Variants in NIPBL observed in about 807,000 individuals in gnomAD.
The protein encoded by NIPBL is NIPBL cohesin loading factor, also known as nipped-B-like protein.
Under a neutral mutation model 321.8 loss-of-function variants are expected in NIPBL, and 19 were observed. The ratio of observed to expected loss-of-function variants is 0.06; its 90% confidence interval spans 0.04 to 0.09. The LOEUF (loss-of-function observed/expected upper bound fraction) is 0.09. NIPBL is among the 10% of genes least tolerant of loss of function. The probability of loss-of-function intolerance (pLI) is 1.00; values close to 1 mark genes in which losing one functional copy is unlikely to be tolerated. For synonymous variants in NIPBL, 1,106 were observed against 1,114.1 expected, an observed-to-expected ratio of 0.99 and a Z score of 0.14; for missense variants, 2,210 against 3,327.0, an observed-to-expected ratio of 0.66 and a Z score of 8.26.
intron 32 of NIPBL, among the ~76,000 whole-genome samples, chr5:37,029,218 T>C (rs998545207): frequency 5.3e-5 from 8 of 152,214 alleles, no homozygotes; most frequent in Admixed American, 5.2e-4. Context: ...GATTTCACCC[T>C]AAAATGCCTT....
chr5:36,888,726 T>C (rs780312465), intron 1 of NIPBL, among the ~76,000 whole-genome samples: 2 of 152,092 alleles, frequency 1.3e-5, no homozygotes, highest in Non-Finnish European at 2.9e-5. Flanking sequence ...TGATATTTCT[T>C]CCTTAAAATA....
At chr5:37,003,492 A>C in intron 16 of NIPBL, 145 bp downstream of exon 16, 1 of 583,506 alleles carries the variant, frequency 1.7e-6, no homozygotes, top group Admixed American at 3.0e-5. Context: ...AATTTTTATT[A>C]CAGTCTATTG....
chr5:36,885,372 G>T, intron 1 of NIPBL: 1 of 457,522 alleles, frequency 2.2e-6, no homozygotes. Flanking sequence ...AGCTTCCGCG[G>T]CGGCTTGGGG....
At chr5:37,014,648 T>C in intron 21 of NIPBL, 35 bp from the exon 22 acceptor site, 2 of 1,257,088 alleles carry the variant, frequency 1.6e-6, no homozygotes, top group Non-Finnish European at 2.3e-6. Flanking sequence ...TTATTATTTC[T>C]TGTATCTTTA....
intron 1 of NIPBL, among the ~76,000 whole-genome samples, chr5:36,929,608 T>A (rs1012982099): frequency 3.9e-5 from 6 of 152,098 alleles, no homozygotes; most frequent in African/African-American, 1.4e-4. Flanking sequence ...ATGTTTTTGT[T>A]ATCTAAGAAC....
intron 1 of NIPBL, among the ~76,000 whole-genome samples, chr5:36,935,463 C>G (rs917110729): frequency 7.2e-5 from 11 of 152,158 alleles, no homozygotes; most frequent in African/African-American, 2.7e-4. Context: ...GATCAGTTCT[C>G]AGACTTCAAG....
At chr5:37,029,397 A>G (rs1195115871) in intron 32 of NIPBL, among the ~76,000 whole-genome samples, 2 of 152,312 alleles carry the variant, frequency 1.3e-5, no homozygotes, top group African/African-American at 2.4e-5. Context: ...TTGCTAATAT[A>G]TTAATATATC....
intron 38 of NIPBL, among the ~76,000 whole-genome samples, chr5:37,046,455 T>C (rs1752988230): frequency 6.6e-6 from 1 of 152,206 alleles, no homozygotes; most frequent in South Asian, 2.1e-4. Context: ...TAACAATACT[T>C]TCTTCTACCC....
rs143291786 is a variant in NIPBL at position 36,934,378 on chromosome 5, A to T, written c.-79-19240A>T. Among the ~76,000 whole-genome samples, 40 of 152,266 alleles carry T rather than the reference A, an allele frequency of 2.6e-4. No individual in the cohort carries two copies. In the East Asian group the frequency reaches 7.7e-3, roughly 29 times the overall value. ...TTGTGTGCATCTAATACAGAAATTC[A>T]TTAAAGGAAAAGATTGTAAAGTAAA... On this transcript the variant is annotated intron_variant, in intron 1 of 46. Transcript: ENST00000282516.
chr5:37,007,916 A>C (rs961911248), intron 18 of NIPBL, 92 bp from the exon 19 acceptor site: 1 of 807,722 alleles, frequency 1.2e-6, no homozygotes, highest in Non-Finnish European at 2.2e-6. Flanking sequence ...AGTGTTTTCC[A>C]GTAAGCTTAT....
intron 10 of NIPBL, among the ~76,000 whole-genome samples, chr5:36,991,557 T>C (rs934309584): frequency 2.6e-5 from 4 of 152,226 alleles, no homozygotes; most frequent in South Asian, 2.1e-4. Context: ...CCCCCTACTT[T>C]TCTGTAATGA....
intron 14 of NIPBL, among the ~76,000 whole-genome samples, chr5:37,001,489 C>G (rs1223913992): frequency 1.3e-5 from 2 of 152,098 alleles, no homozygotes; most frequent in African/African-American, 4.8e-5. Context: ...TTTAAAAAGT[C>G]TTTATGCAGG....
chr5:36,909,908 T>A (rs1402965724), intron 1 of NIPBL, among the ~76,000 whole-genome samples: 2 of 152,020 alleles, frequency 1.3e-5, no homozygotes, highest in Admixed American at 6.6e-5. Flanking sequence ...AAACCCCGCC[T>A]TTACTCAAAA....
At chr5:36,995,946 T>C (rs1186667439) in intron 11 of NIPBL, 142 bp downstream of exon 11, 1 of 691,204 alleles carries the variant, frequency 1.4e-6, no homozygotes, top group East Asian at 2.7e-5. Context: ...TTTTTCTCTA[T>C]ACTTTAAAAA....
chr5:36,884,728 A>G (rs940827591), intron 1 of NIPBL, among the ~76,000 whole-genome samples: 3 of 152,184 alleles, frequency 2.0e-5, no homozygotes, highest in South Asian at 2.1e-4. Flanking sequence ...GGTATTTCTT[A>G]AAGGTATGTT....
chr5:36,962,048 G>C, intron 5 of NIPBL, 75 bp from the exon 6 acceptor site: 1 of 1,533,948 alleles, frequency 6.5e-7, no homozygotes, highest in East Asian at 2.3e-5. Context: ...AGAGGACTTT[G>C]TGACAGTCAG....
At chr5:37,031,107 C>T (rs570850222) in intron 32 of NIPBL, among the ~76,000 whole-genome samples, 25 of 152,100 alleles carry the variant, frequency 1.6e-4, no homozygotes, top group Admixed American at 1.6e-3. Context: ...CCTCAGCCTC[C>T]CGAGTAGCTG....
intron 27 of NIPBL, 48 bp from the exon 28 acceptor site, chr5:37,022,003 A>C (rs773045217): frequency 1.4e-6 from 2 of 1,400,280 alleles, no homozygotes; most frequent in African/African-American, 2.9e-5. Context: ...TTTTAATTAA[A>C]TTTTATGTAT....
At chr5:36,945,139 G>A (rs1025344899) in intron 1 of NIPBL, among the ~76,000 whole-genome samples, 4 of 152,064 alleles carry the variant, frequency 2.6e-5, no homozygotes, top group Non-Finnish European at 4.4e-5. Context: ...TCATAGACGC[G>A]CTTGGAAATT....
Sources: allele counts gnomAD v4.1 joint callset (sites outside exome capture counted in the v4.1 genomes callset), GRCh38; gene constraint gnomAD v4.1.1; transcripts MANE v1.5; gene names NCBI Gene and HGNC (gene_info 2026-07-23, HGNC 2026-07-21).